Variants in HECW2 observed in about 807,000 individuals in gnomAD.
HECW2 encodes the protein E3 ubiquitin-protein ligase HECW2.
Under a neutral mutation model 175.2 loss-of-function variants are expected in HECW2, and 61 were observed. The ratio of observed to expected loss-of-function variants is 0.35; its 90% confidence interval spans 0.28 to 0.43. The LOEUF is 0.43. Among genes scored for constraint, HECW2 ranks in the 20% least tolerant of loss-of-function variants. The pLI is 1.00. For missense variants in HECW2, 1,524 were observed against 2,000.5 expected (o/e 0.76, Z 4.54); for synonymous variants, 671 against 731.0 (o/e 0.92, Z 1.32).
intron 2 of HECW2, among the ~76,000 whole-genome samples, chr2:196,428,572 A>C (rs1695615449): frequency 6.6e-6 from 1 of 152,156 alleles, no homozygotes; most frequent in South Asian, 2.1e-4. Flanking sequence ...TCATGTTATT[A>C]ATTACTCATT....
At chr2:196,338,198 T>A (rs1692622082) in intron 3 of HECW2, among the ~76,000 whole-genome samples, 1 of 152,082 alleles carries the variant, frequency 6.6e-6, no homozygotes, top group African/African-American at 2.4e-5. Flanking sequence ...TTAAACCTGT[T>A]CTCGAGTAAA....
At chr2:196,536,494 TG>T (rs1689027521) in intron 1 of HECW2, among the ~76,000 whole-genome samples, 1 of 152,198 alleles carries the variant, frequency 6.6e-6, no homozygotes, top group African/African-American at 2.4e-5. Flanking sequence ...ACAAAACTCC[TG>T]CTGCCTATGT....
chr2:196,326,101 G>GC, intron 5 of HECW2, among the ~76,000 whole-genome samples: 1 of 152,298 alleles, frequency 6.6e-6, no homozygotes, highest in East Asian at 1.9e-4. Context: ...GAGAAATTCT[G>GC]CATATGGCCC....
chr2:196,373,981 G>A (rs1180877470), intron 2 of HECW2, among the ~76,000 whole-genome samples: 9 of 150,746 alleles, frequency 6.0e-5, no homozygotes, highest in East Asian at 1.9e-4. Flanking sequence ...GCAGTGAGCC[G>A]AGATCCCGCC....
At chr2:196,467,086 C>A (rs578109265) in intron 1 of HECW2, among the ~76,000 whole-genome samples, 1 of 152,244 alleles carries the variant, frequency 6.6e-6, no homozygotes, top group South Asian at 2.1e-4. Flanking sequence ...GCTTTAACTC[C>A]TAAAGCTGTT....
intron 5 of HECW2, 138 bp from the exon 6 acceptor site, chr2:196,325,287 T>C (rs1265411976): frequency 3.6e-6 from 2 of 556,028 alleles, no homozygotes; most frequent in Non-Finnish European, 6.0e-6. Context: ...AGCTCAAAGA[T>C]AATTTGTTCT....
At chr2:196,406,595 A>G (rs1049911333) in intron 2 of HECW2, among the ~76,000 whole-genome samples, 1 of 152,182 alleles carries the variant, frequency 6.6e-6, no homozygotes, top group Non-Finnish European at 1.5e-5. Flanking sequence ...AATAAAACCC[A>G]AACTCCTTAT....
intron 1 of HECW2, among the ~76,000 whole-genome samples, chr2:196,506,761 T>C (rs1429542669): frequency 6.6e-6 from 1 of 152,036 alleles, no homozygotes; most frequent in Non-Finnish European, 1.5e-5. Context: ...TTAAAACAAC[T>C]GCATAACTAT....
chr2:196,248,780 T>C (rs1688751563), intron 19 of HECW2, among the ~76,000 whole-genome samples: 1 of 151,998 alleles, frequency 6.6e-6, no homozygotes, highest in African/African-American at 2.4e-5. Flanking sequence ...AAAACGAAGA[T>C]CATTAAGGGC....
At chr2:196,253,897 C>T (rs1214517718) in intron 19 of HECW2, 23 bp downstream of exon 19, 1 of 1,607,430 alleles carries the variant, frequency 6.2e-7, no homozygotes. Flanking sequence ...AGAGAATTCA[C>T]TGTGAGCAGC....
At chr2:196,593,107 G>T (rs1691269709) in intron 1 of HECW2, among the ~76,000 whole-genome samples, 1 of 151,138 alleles carries the variant, frequency 6.6e-6, no homozygotes, top group African/African-American at 2.4e-5. Context: ...GTCTCGGCTC[G>T]CCTTTGTGCT....
At chr2:196,495,919 G>T (rs137859766) in intron 1 of HECW2, among the ~76,000 whole-genome samples, 1 of 152,116 alleles carries the variant, frequency 6.6e-6, no homozygotes, top group Non-Finnish European at 1.5e-5. Context: ...ATAGACTGTA[G>T]AGGTTAAAAA....
At chr2:196,501,569 A>G (rs899291826) in intron 1 of HECW2, among the ~76,000 whole-genome samples, 4 of 152,108 alleles carry the variant, frequency 2.6e-5, no homozygotes, top group Non-Finnish European at 4.4e-5. Context: ...TTTTTTAAGG[A>G]AAAAACTACC....
chr2:196,554,779 A>G (rs1269548278), intron 1 of HECW2, among the ~76,000 whole-genome samples: 1 of 152,238 alleles, frequency 6.6e-6, no homozygotes, highest in Non-Finnish European at 1.5e-5. Flanking sequence ...TCATCGGAGA[A>G]GTTTAGCCTA....
chr2:196,382,991 T>G (rs537868385), intron 2 of HECW2, among the ~76,000 whole-genome samples: 1 of 152,246 alleles, frequency 6.6e-6, no homozygotes, highest in East Asian at 1.9e-4. Flanking sequence ...GGTGGCAGTA[T>G]GGGGGATGAA....
intron 1 of HECW2, among the ~76,000 whole-genome samples, chr2:196,502,248 T>C (rs1010622651): frequency 6.6e-6 from 1 of 152,250 alleles, no homozygotes; most frequent in Non-Finnish European, 1.5e-5. Context: ...TAACCAACTT[T>C]GGTGTTCCAG....
At chr2:196,268,089 C>T (rs747927858) in intron 17 of HECW2, among the ~76,000 whole-genome samples, 1 of 152,198 alleles carries the variant, frequency 6.6e-6, no homozygotes, top group Non-Finnish European at 1.5e-5. Context: ...TGTGGGAATG[C>T]TCCTCACAAC....
intron 1 of HECW2, among the ~76,000 whole-genome samples, chr2:196,452,234 A>T (rs994198261): frequency 5.9e-5 from 9 of 152,378 alleles, no homozygotes; most frequent in Middle Eastern, 3.4e-3. Flanking sequence ...GCACAAAAAA[A>T]TTAAAATATC....
chr2:196,428,367 T>C (rs942996511), intron 2 of HECW2, among the ~76,000 whole-genome samples: 6 of 152,216 alleles, frequency 3.9e-5, no homozygotes, highest in Admixed American at 6.5e-5. Flanking sequence ...CACATCTATT[T>C]CACAGAGCCC....
Sources: allele counts gnomAD v4.1 joint callset (sites outside exome capture counted in the v4.1 genomes callset), GRCh38; gene constraint gnomAD v4.1.1; transcripts MANE v1.5; gene names NCBI Gene and HGNC (gene_info 2026-07-23, HGNC 2026-07-21).